Variants in SHISA6 observed in about 807,000 individuals in gnomAD.
The protein encoded by SHISA6 is protein shisa-6.
A neutral mutation model predicts 47.9 loss-of-function variants in SHISA6; 22 were observed. The observed-to-expected ratio is 0.46, with a 90% CI of 0.33 to 0.66. The LOEUF (loss-of-function observed/expected upper bound fraction) is 0.66. Among genes scored for constraint, SHISA6 ranks in the 30% least tolerant of loss-of-function variants. The probability of loss-of-function intolerance (pLI) is 0.02; values close to 1 mark genes in which losing one functional copy is unlikely to be tolerated. For synonymous variants in SHISA6, 388 were observed against 337.8 expected (o/e 1.15, Z -1.63); for missense variants, 680 against 764.6 (o/e 0.89, Z 1.30).
chr17:11,293,923 C>G (rs1909642232), intron 2 of SHISA6, among the ~76,000 whole-genome samples: 1 of 151,518 alleles, frequency 6.6e-6, no homozygotes, highest in South Asian at 2.1e-4. Flanking sequence ...GTCTCACTCT[C>G]TCATCGGGCT....
rs1314621340 is a variant in SHISA6, at chr17:11,558,328, C to T, written c.*24C>T. ...GACCGGCGGGGCAGGGCCGGGGCTG[C>T]TGGGCGTGGCAGAGCAGAGCGGGGG... is the stretch of plus-strand genomic sequence containing the variant. On this transcript the variant is annotated 3_prime_UTR_variant, in exon 6 of 6. Transcript: ENST00000441885. 2.0e-6 allele frequency: 3 copies of T among 1,531,362 alleles called. No individual in the cohort carries two copies. The highest frequency in any genetic ancestry group is 2.6e-6 in the Non-Finnish European group (3 of 1,143,550). 94.9% of individuals were successfully genotyped at this position (1,531,362 alleles called of 1,614,324 possible). A position where few individuals can be genotyped will look rare whatever the true frequency, so the allele number is the denominator to read the frequency against.
intron 2 of SHISA6, among the ~76,000 whole-genome samples, chr17:11,268,238 C>T (rs1753518992): frequency 6.6e-6 from 1 of 152,176 alleles, no homozygotes; most frequent in African/African-American, 2.4e-5. Context: ...TGCCTGTTGT[C>T]AAAGCCATAT....
At chr17:11,389,297 G>C (rs1913309415) in intron 3 of SHISA6, among the ~76,000 whole-genome samples, 1 of 152,188 alleles carries the variant, frequency 6.6e-6, no homozygotes, top group Non-Finnish European at 1.5e-5. Flanking sequence ...AGGAGAGATA[G>C]TACCCGGCAA....
At chr17:11,262,382 G>A (rs1003422172) in intron 1 of SHISA6, among the ~76,000 whole-genome samples, 28 of 152,166 alleles carry the variant, frequency 1.8e-4, no homozygotes, top group Non-Finnish European at 1.5e-4. Flanking sequence ...TGAGGACTGG[G>A]GACCTGGATC....
intron 2 of SHISA6, among the ~76,000 whole-genome samples, chr17:11,367,063 G>A (rs555035070): frequency 2.6e-5 from 4 of 152,234 alleles, no homozygotes; most frequent in African/African-American, 9.6e-5. Context: ...AGGGAATTGA[G>A]GACAAACTGT....
chr17:11,350,182 A>ATTTATTTTTTATTT (rs964679787), intron 2 of SHISA6, among the ~76,000 whole-genome samples: 1 of 116,240 alleles, frequency 8.6e-6, no homozygotes, highest in Non-Finnish European at 1.7e-5. Context: ...TTATTTATTT[A>ATTTATTTTTTATTT]TTTTTTTTTT....
chr17:11,436,677 C>T (rs1415022568), intron 3 of SHISA6, among the ~76,000 whole-genome samples: 1 of 152,230 alleles, frequency 6.6e-6, no homozygotes, highest in East Asian at 1.9e-4. Flanking sequence ...CAGGGCTGAT[C>T]ACAGTAGACA....
At chr17:11,346,360 T>C (rs1483324386) in intron 2 of SHISA6, among the ~76,000 whole-genome samples, 2 of 152,218 alleles carry the variant, frequency 1.3e-5, no homozygotes, top group African/African-American at 4.8e-5. Context: ...GATTTGGTTT[T>C]GCTAGTACTC....
chr17:11,395,846 C>G (rs1913554295), intron 3 of SHISA6, among the ~76,000 whole-genome samples: 1 of 152,122 alleles, frequency 6.6e-6, no homozygotes, highest in Admixed American at 6.5e-5. Context: ...TTATGCTTCT[C>G]TATTGTCTGA....
intron 2 of SHISA6, among the ~76,000 whole-genome samples, chr17:11,284,394 A>G (rs1170398574): frequency 1.3e-5 from 2 of 152,038 alleles, no homozygotes; most frequent in East Asian, 3.9e-4. Context: ...CATGATTGCA[A>G]CATGGCTGCC....
intron 3 of SHISA6, among the ~76,000 whole-genome samples, chr17:11,418,756 C>G (rs1303321963): frequency 6.6e-6 from 1 of 152,188 alleles, no homozygotes; most frequent in East Asian, 1.9e-4. Context: ...CCTTTCCCTG[C>G]CACCCCACCT....
Position 11,558,451 on chromosome 17 carries a change from C to T in SHISA6, c.*147C>T. Reference sequence around the variant, plus strand: ...GGTGGGCCACCTTTGCCCAAAAAGCCATACCCCCGGGGACACAGCCCCGAT... The same window carrying T: ...GGTGGGCCACCTTTGCCCAAAAAGCTATACCCCCGGGGACACAGCCCCGAT... On this transcript the variant is annotated 3_prime_UTR_variant, in exon 6 of 6. Transcript: ENST00000441885. The T allele has an allele frequency of 1.1e-6, 1 of 915,124 alleles. No individual in the cohort carries two copies. Among genetic ancestry groups the T allele is most frequent in the Non-Finnish European group, 1.6e-6 (1 of 620,040 alleles). 56.7% of individuals were successfully genotyped at this position (915,124 alleles called of 1,614,324 possible).
At chr17:11,260,038 G>C (rs73293745) in intron 1 of SHISA6, among the ~76,000 whole-genome samples, 2 of 152,186 alleles carry the variant, frequency 1.3e-5, no homozygotes, top group Non-Finnish European at 2.9e-5. Context: ...TGAATGCATC[G>C]AGAAATTATT....
intron 2 of SHISA6, among the ~76,000 whole-genome samples, chr17:11,274,517 C>T (rs369304912): frequency 1.5e-4 from 23 of 151,206 alleles, no homozygotes; most frequent in Non-Finnish European, 2.8e-4. Flanking sequence ...GGATGTGGAG[C>T]GTGGAGCTCT....
chr17:11,433,816 C>T (rs1393874004), intron 3 of SHISA6, among the ~76,000 whole-genome samples: 1 of 152,112 alleles, frequency 6.6e-6, no homozygotes, highest in Non-Finnish European at 1.5e-5. Context: ...TGTTTGCTTA[C>T]TCCACTCAAG....
At position 11,558,055 on chromosome 17, in the gene SHISA6, G is replaced by C; in HGVS notation, c.1407G>C (p.Gln469His). The C allele has an allele frequency of 6.4e-7, 1 of 1,551,674 alleles. No homozygotes were observed. Among genetic ancestry groups the C allele is most frequent in the Non-Finnish European group, 8.7e-7 (1 of 1,146,992 alleles). Residue 469 changes from glutamine (Q) to histidine (H), a missense_variant, in exon 6 of 6, where the codon CAG becomes CAC. Physicochemically the swap from Gln to His is conservative, Grantham distance 24. This residue lies in a region of SHISA6 where 559 missense variants were observed against 674.1 expected (regional missense o/e 0.83). Coordinates refer to ENST00000441885, the MANE Select transcript of SHISA6 (RefSeq NM_207386.4). ...LSPERTAFPE[Q>H]SLSRAISHTD... Reference sequence around the variant, plus strand: ...CGGAGCGGACGGCCTTTCCCGAGCAGTCGCTGTCCAGGGCCATCTCGCACA... The same window carrying C: ...CGGAGCGGACGGCCTTTCCCGAGCACTCGCTGTCCAGGGCCATCTCGCACA...
intron 3 of SHISA6, among the ~76,000 whole-genome samples, chr17:11,542,529 T>A (rs185607969): frequency 1.3e-4 from 19 of 151,524 alleles, no homozygotes; most frequent in African/African-American, 4.3e-4. Flanking sequence ...CTCATTTGAG[T>A]TCATGCATTT....
At position 11,558,388 on chromosome 17, in the gene SHISA6, C is replaced by T; in HGVS notation, c.*84C>T. The T allele has an allele frequency of 1.4e-6, 2 of 1,404,148 alleles. No homozygotes were observed. The highest frequency in any genetic ancestry group is 1.9e-6 in the Non-Finnish European group (2 of 1,047,354). 87.0% of individuals were successfully genotyped at this position (1,404,148 alleles called of 1,614,324 possible). A position where few individuals can be genotyped will look rare whatever the true frequency, so the allele number is the denominator to read the frequency against. ...GCCAGGAGCAGAGCTTCTAGCCTTG[C>T]CACTCTCCCTTCCCTTGTCCCCTCT... On this transcript the variant is annotated 3_prime_UTR_variant, in exon 6 of 6. Transcript: ENST00000441885.
intron 2 of SHISA6, among the ~76,000 whole-genome samples, chr17:11,350,190 T>A (rs55964630): frequency 0.096 from 10,823 of 113,282 alleles, 542 homozygotes; most frequent in African/African-American, 0.14. Flanking sequence ...TTATTTTTTT[T>A]TTTTTTTGAG....
Sources: allele counts gnomAD v4.1 joint callset (sites outside exome capture counted in the v4.1 genomes callset), GRCh38; gene constraint gnomAD v4.1.1; regional missense constraint gnomAD v4.1.1; transcripts MANE v1.5; gene names NCBI Gene and HGNC (gene_info 2026-07-23, HGNC 2026-07-21).